Variants in HINT1 observed in about 807,000 individuals in gnomAD.
The protein encoded by HINT1 is histidine triad nucleotide binding protein 1.
HINT1 carries 12 observed loss-of-function variants against 11.2 expected under a neutral mutation model. The observed-to-expected ratio is 1.07, with a 90% CI of 0.69 to 1.74. The LOEUF is 1.74. Ranked by LOEUF, HINT1 falls within the 40% of genes most tolerant of loss-of-function variation. The pLI, the probability that HINT1 is intolerant of heterozygous loss-of-function variation, is 0.00. For missense variants in HINT1, 150 were observed against 161.8 expected, an observed-to-expected ratio of 0.93 and a Z score of 0.40; for synonymous variants, 42 against 52.6, an observed-to-expected ratio of 0.80 and a Z score of 0.87.
chr5:131,160,704 T>G (rs1755226990), intron 2 of HINT1: 1 of 1,237,844 alleles, frequency 8.1e-7, no homozygotes, highest in Non-Finnish European at 1.0e-6. Context: ...TGGACAAAAA[T>G]TGTAAGTTGG....
intron 2 of HINT1, 137 bp downstream of exon 2, chr5:131,162,435 G>C: frequency 1.3e-6 from 2 of 1,534,474 alleles, no homozygotes; most frequent in Non-Finnish European, 1.8e-6. Flanking sequence ...CAGCTGGGCA[G>C]TTGAAGTCCT....
At chr5:131,163,580 T>A (rs2149653752) in intron 1 of HINT1, among the ~76,000 whole-genome samples, 1 of 150,918 alleles carries the variant, frequency 6.6e-6, no homozygotes, top group South Asian at 2.1e-4. Flanking sequence ...TTGTGCAATT[T>A]CCTGGTTTTT....
At chr5:131,164,327 T>A (rs1755334272) in intron 1 of HINT1, among the ~76,000 whole-genome samples, 1 of 152,158 alleles carries the variant, frequency 6.6e-6, no homozygotes, top group Non-Finnish European at 1.5e-5. Context: ...AAAACTACAG[T>A]CTTAGTCTCT....
At position 131,165,226 on chromosome 5, in the gene HINT1, G is replaced by A; in HGVS notation, c.-21C>T. 1 of 1,600,188 alleles carries A rather than the reference G, an allele frequency of 6.2e-7. No homozygotes were observed. The highest frequency in any genetic ancestry group is 8.5e-7 in the Non-Finnish European group (1 of 1,178,526). On this transcript the variant is annotated 5_prime_UTR_variant, in exon 1 of 3. Transcript: ENST00000304043. ...GCCATCTCGGCCTCTCTCCCGCGCG[G>A]CGGCCAGAGGAGAGGCTCGGAAGAA...
At chr5:131,163,224 T>C (rs1755302880) in intron 1 of HINT1, among the ~76,000 whole-genome samples, 1 of 152,192 alleles carries the variant, frequency 6.6e-6, no homozygotes, top group Non-Finnish European at 1.5e-5. Flanking sequence ...GAATGATCAT[T>C]ACAGGAAAAG....
intron 1 of HINT1, 70 bp from the exon 2 acceptor site, chr5:131,162,746 A>C: frequency 1.0e-6 from 1 of 997,896 alleles, no homozygotes. Flanking sequence ...TTATTTCAAC[A>C]AGTATTTACT....
intron 1 of HINT1, among the ~76,000 whole-genome samples, 181 bp from the exon 2 acceptor site, chr5:131,162,857 A>G (rs1478599473): frequency 6.7e-6 from 1 of 149,682 alleles, no homozygotes; most frequent in Non-Finnish European, 1.5e-5. Flanking sequence ...TTTTTTTTTG[A>G]GATGGAATCT....
At chr5:131,164,831 C>T (rs1391000693) in intron 1 of HINT1, among the ~76,000 whole-genome samples, 1 of 151,886 alleles carries the variant, frequency 6.6e-6, no homozygotes, top group Non-Finnish European at 1.5e-5. Context: ...GCGCCCAGGC[C>T]CCGCGGTGCG....
intron 1 of HINT1, among the ~76,000 whole-genome samples, chr5:131,164,318 A>C (rs1755334034): frequency 6.6e-6 from 1 of 152,220 alleles, no homozygotes; most frequent in South Asian, 2.1e-4. Flanking sequence ...AAGTCAACAA[A>C]AACTACAGTC....
rs112487594 is a variant in HINT1 at position 131,164,888 on chromosome 5, G to A, written c.111+207C>T. ...CTGGCCCGCGCCCGGGGCAGATAAC[G>A]AGTAACCGGAGCGCCGGCACGCGCC... On this transcript the variant is annotated intron_variant, in intron 1 of 2. Transcript: ENST00000304043. 0.044 allele frequency among the ~76,000 whole-genome samples: 6,705 copies of A among 151,880 alleles called. 370 individuals carry two copies. Among genetic ancestry groups the A allele is most frequent in the African/African-American group, 0.13 (5,341 of 41,476 alleles).
rs1233092059 is a variant in HINT1, at chr5:131,159,357, A to C, written c.*90T>G. On this transcript the variant is annotated 3_prime_UTR_variant, in exon 3 of 3. Transcript: ENST00000304043. ...AATTATTTCTTGAATCTCTCCATACACAGGCAAAAATAAGTGTGTTACTTA... is the reference window on the plus strand; with the variant it reads ...AATTATTTCTTGAATCTCTCCATACCCAGGCAAAAATAAGTGTGTTACTTA... 1 of 1,174,980 alleles carries C rather than the reference A, an allele frequency of 8.5e-7. No homozygotes were observed. The highest frequency in any genetic ancestry group is 1.2e-6 in the Non-Finnish European group (1 of 821,472). 72.8% of individuals were successfully genotyped at this position (1,174,980 alleles called of 1,614,324 possible).
At chr5:131,164,977 C>G (rs1237381855) in intron 1 of HINT1, 118 bp downstream of exon 1, 1 of 1,450,054 alleles carries the variant, frequency 6.9e-7, no homozygotes, top group Non-Finnish European at 9.3e-7. Flanking sequence ...ACCAGGGCAG[C>G]CAGGTCCCCT....
Position 131,162,638 on chromosome 5 carries a change from T to TGTTG in HINT1, c.146_149dup (p.His51AsnfsTer20). The stretch of plus-strand genomic sequence containing the variant: ...GTTTCTTGGGTATCACCAGAAAATG[T>TGTTG]GTTGGTGCTTGAGGGGAAATGTCAT... On this transcript the variant is annotated frameshift_variant, in exon 2 of 3. Coordinates refer to ENST00000304043, the MANE Select transcript of HINT1 (RefSeq NM_005340.7). LOFTEE classifies it high-confidence loss of function. 1 of 1,613,096 alleles carries TGTTG rather than the reference T, an allele frequency of 6.2e-7. No homozygotes were observed.
intron 2 of HINT1, 148 bp from the exon 3 acceptor site, chr5:131,159,759 C>A (rs1755202847): frequency 3.0e-6 from 2 of 669,378 alleles, no homozygotes; most frequent in African/African-American, 1.8e-5. Flanking sequence ...TTAATCCCAA[C>A]AGAGCATAAT....
chr5:131,159,492 A>T lies in HINT1; in HGVS notation c.336T>A (p.His112Gln). ...SDGGQSVYHV[H>Q]LHVLGGRQMH... ...TTTGCCGACCTCCAAGAACATGGAG[A>T]TGAACGTGATAGACAGACTGTCCAC... Residue 112 changes from histidine to glutamine, a missense_variant, in exon 3 of 3, where the codon CAT becomes CAA. Transcript: ENST00000304043. The T allele has an allele frequency of 6.2e-7, 1 of 1,613,416 alleles. No individual in the cohort carries two copies. The highest frequency in any genetic ancestry group is 8.5e-7 in the Non-Finnish European group (1 of 1,179,982).
At position 131,162,629 on chromosome 5, in the gene HINT1, C is replaced by T. The variant is rs199716973; in HGVS notation, c.159G>A (p.Leu53=). 6.2e-5 allele frequency: 100 copies of T among 1,613,326 alleles called. No individual in the cohort carries two copies. Among genetic ancestry groups the T allele is most frequent in the Middle Eastern group, 3.3e-4 (2 of 6,012 alleles). ...DISPQAPTHF[L]VIPKKHISQI... ...GGGATATATGTTTCTTGGGTATCACCAGAAAATGTGTTGGTGCTTGAGGGG... is the reference window on the plus strand; with the variant it reads ...GGGATATATGTTTCTTGGGTATCACTAGAAAATGTGTTGGTGCTTGAGGGG... The change falls in exon 2 of 3, where the codon CTG becomes CTA. Residue 53 remains leucine, a synonymous_variant. Transcript: ENST00000304043.
intron 1 of HINT1, among the ~76,000 whole-genome samples, chr5:131,164,298 C>CA (rs1181556542): frequency 6.6e-6 from 1 of 152,212 alleles, no homozygotes; most frequent in Non-Finnish European, 1.5e-5. Flanking sequence ...ACTGGGATTT[C>CA]ACCTACAAGA....
At chr5:131,164,728 T>C (rs1419714981) in intron 1 of HINT1, among the ~76,000 whole-genome samples, 1 of 152,168 alleles carries the variant, frequency 6.6e-6, no homozygotes, top group Admixed American at 6.5e-5. Flanking sequence ...GGCAGAGCGC[T>C]GGCGAGATTT....
chr5:131,161,907 C>A (rs1755258956), intron 2 of HINT1, among the ~76,000 whole-genome samples: 1 of 152,190 alleles, frequency 6.6e-6, no homozygotes, highest in Admixed American at 6.5e-5. Context: ...CCCTCGTCTT[C>A]CTCAGCCTAC....
Sources: allele counts gnomAD v4.1 joint callset (sites outside exome capture counted in the v4.1 genomes callset), GRCh38; gene constraint gnomAD v4.1.1; transcripts MANE v1.5; gene names NCBI Gene and HGNC (gene_info 2026-07-23, HGNC 2026-07-21).